Variants in UNC5C observed in about 807,000 individuals in gnomAD.
The protein encoded by UNC5C is netrin receptor UNC5C.
A neutral mutation model predicts 99.8 loss-of-function variants in UNC5C; 47 were observed. That is an observed-to-expected ratio of 0.47 (90% CI 0.37 to 0.60). UNC5C has a LOEUF of 0.60. UNC5C is among the 20% of genes least tolerant of loss of function. The pLI is 0.00. For missense variants in UNC5C, 1,062 were observed against 1,165.9 expected, an observed-to-expected ratio of 0.91 and a Z score of 1.30; for synonymous variants, 487 against 452.2, an observed-to-expected ratio of 1.08 and a Z score of -0.98.
chr4:95,171,166 G>A (rs1736084020), intron 14 of UNC5C, among the ~76,000 whole-genome samples: 1 of 151,866 alleles, frequency 6.6e-6, no homozygotes, highest in Non-Finnish European at 1.5e-5. Context: ...AACTATTAAA[G>A]CAATAAAAGA....
At chr4:95,310,580 GC>G (rs1196187815) in intron 2 of UNC5C, among the ~76,000 whole-genome samples, 1 of 152,042 alleles carries the variant, frequency 6.6e-6, no homozygotes, top group African/African-American at 2.4e-5. Flanking sequence ...AATGTAGAAG[GC>G]TAAATTTATT....
chr4:95,408,787 AT>A (rs1189809131), intron 1 of UNC5C, among the ~76,000 whole-genome samples: 1 of 152,224 alleles, frequency 6.6e-6, no homozygotes, highest in African/African-American at 2.4e-5. Flanking sequence ...ACAGAAAGAC[AT>A]TTCTCTTCAA....
chr4:95,204,705 T>C (rs2149361450), intron 11 of UNC5C, among the ~76,000 whole-genome samples: 1 of 152,330 alleles, frequency 6.6e-6, no homozygotes, highest in East Asian at 1.9e-4. Context: ...AGGAATCATG[T>C]CGACTTTGCT....
At chr4:95,430,803 A>T (rs1746615156) in intron 1 of UNC5C, among the ~76,000 whole-genome samples, 1 of 152,100 alleles carries the variant, frequency 6.6e-6, no homozygotes, top group African/African-American at 2.4e-5. Context: ...TAGACCCAAG[A>T]CTATATGCAG....
At chr4:95,424,506 T>C (rs918648865) in intron 1 of UNC5C, among the ~76,000 whole-genome samples, 1 of 145,224 alleles carries the variant, frequency 6.9e-6, no homozygotes, top group African/African-American at 2.6e-5. Context: ...TTCAGAATTT[T>C]TTTTTTCTTT....
At chr4:95,272,554 A>G (rs1740700225) in intron 4 of UNC5C, among the ~76,000 whole-genome samples, 1 of 152,134 alleles carries the variant, frequency 6.6e-6, no homozygotes. Context: ...ATACTTTTTC[A>G]CCCCAAAAAG....
chr4:95,243,514 A>G (rs2149378920), intron 6 of UNC5C, among the ~76,000 whole-genome samples: 1 of 152,324 alleles, frequency 6.6e-6, no homozygotes, highest in South Asian at 2.1e-4. Context: ...TGAAATATAT[A>G]ATTATGATGA....
At position 95,251,879 on chromosome 4, in the gene UNC5C, G is replaced by T. The variant is rs191312299; in HGVS notation, c.595-1212C>A. ...TAGAAGAGAAGCCAACATTTATAGAGAAAAATAAAAATCAACAACAATCCT... is the reference window on the plus strand; with the variant it reads ...TAGAAGAGAAGCCAACATTTATAGATAAAAATAAAAATCAACAACAATCCT... On this transcript the variant is annotated intron_variant, in intron 4 of 15. Transcript: ENST00000453304. 2.4e-4 allele frequency among the ~76,000 whole-genome samples: 36 copies of T among 152,158 alleles called. 1 individual carries two copies. The highest frequency in any genetic ancestry group is 6.5e-4 in the Admixed American group (10 of 15,286).
intron 14 of UNC5C, among the ~76,000 whole-genome samples, chr4:95,170,786 C>A (rs1736066815): frequency 6.6e-6 from 1 of 152,196 alleles, no homozygotes; most frequent in Admixed American, 6.5e-5. Context: ...AGGAGAAAGT[C>A]CTGGGCAAAT....
chr4:95,301,809 C>A (rs1161310071), intron 2 of UNC5C, 60 bp from the exon 3 acceptor site: 43 of 1,559,604 alleles, frequency 2.8e-5, no homozygotes, highest in Non-Finnish European at 2.6e-6. Flanking sequence ...GAAATATAAA[C>A]CATCACATCA....
Position 95,250,506 on chromosome 4 carries a change from A to G in UNC5C, c.756T>C (p.Thr252=). Residue 252 remains threonine, a synonymous_variant, in exon 5 of 16, where the codon ACT becomes ACC. Transcript: ENST00000453304. ...ACTCACCATAGACTATGACAGTGGCAGTTGTACTTTTCCTCTTGGCAACAA... is the reference window on the plus strand; with the variant it reads ...ACTCACCATAGACTATGACAGTGGCGGTTGTACTTTTCCTCTTGGCAACAA... ...KNIVAKRKST[T]ATVIVYVNGG... 6.2e-7 allele frequency: 1 copy of G among 1,613,990 alleles called. No individual in the cohort carries two copies. Among genetic ancestry groups the G allele is most frequent in the African/African-American group, 1.3e-5 (1 of 75,028 alleles).
intron 7 of UNC5C, among the ~76,000 whole-genome samples, chr4:95,231,166 C>G (rs1246072382): frequency 6.6e-6 from 1 of 152,034 alleles, no homozygotes; most frequent in African/African-American, 2.4e-5. Context: ...AAAACCTTGT[C>G]TTTACATTAG....
chr4:95,258,608 C>T (rs1416429744), intron 4 of UNC5C, among the ~76,000 whole-genome samples: 2 of 152,050 alleles, frequency 1.3e-5, no homozygotes, highest in Admixed American at 6.5e-5. Context: ...AACTAATTTA[C>T]TCAAGTGTTT....
chr4:95,378,974 T>C lies in UNC5C; in HGVS notation c.125-43343A>G, dbSNP rs17023673. Among the ~76,000 whole-genome samples the C allele has an allele frequency of 2.9e-3, 437 of 152,224 alleles. 3 individuals carry two copies. The highest frequency in any genetic ancestry group is 0.01 in the African/African-American group (418 of 41,538). On this transcript the variant is annotated intron_variant, in intron 1 of 15. Coordinates refer to ENST00000453304, the MANE Select transcript of UNC5C (RefSeq NM_003728.4). ...TAAATTGACTGGCTACATGATTATG[T>C]TCTGGGTAGGAAAAATTACATATTA...
At chr4:95,292,234 C>CAT (rs1201836603) in intron 3 of UNC5C, among the ~76,000 whole-genome samples, 16 of 74,048 alleles carry the variant, frequency 2.2e-4, no homozygotes, top group Non-Finnish European at 2.9e-4. Context: ...CACACACACA[C>CAT]ACATATATAT....
intron 3 of UNC5C, among the ~76,000 whole-genome samples, chr4:95,293,664 G>A (rs745613420): frequency 1.3e-5 from 2 of 152,090 alleles, no homozygotes; most frequent in Admixed American, 6.6e-5. Flanking sequence ...TGAATTGCCA[G>A]CTGATCTACA....
intron 1 of UNC5C, among the ~76,000 whole-genome samples, chr4:95,499,716 A>G (rs947787437): frequency 3.3e-5 from 5 of 152,080 alleles, no homozygotes; most frequent in African/African-American, 1.2e-4. Context: ...CACTCCAGTA[A>G]GCTCCCTCCC....
chr4:95,361,657 A>C (rs187799875), intron 1 of UNC5C, among the ~76,000 whole-genome samples: 1 of 152,300 alleles, frequency 6.6e-6, no homozygotes, highest in Non-Finnish European at 1.5e-5. Context: ...AAAGCAAACA[A>C]AACAAACATT....
rs544437709 is a variant in UNC5C, at chr4:95,403,658, A to C, written c.125-68027T>G. 5.8e-4 allele frequency among the ~76,000 whole-genome samples: 88 copies of C among 152,274 alleles called. No homozygotes were observed. In the Middle Eastern group the frequency reaches 0.027, roughly 47 times the overall value. Reference sequence around the variant, plus strand: ...AGATGGATTACCATTTCCCAAGTGCATCTCCTCTGGTCTTTGTCCATCTCT... The same window carrying C: ...AGATGGATTACCATTTCCCAAGTGCCTCTCCTCTGGTCTTTGTCCATCTCT... On this transcript the variant is annotated intron_variant, in intron 1 of 15. Transcript: ENST00000453304.
Sources: gnomAD v4.1 joint callset for allele counts (sites outside exome capture counted in the v4.1 genomes callset) on GRCh38, gnomAD v4.1.1 for gene constraint, MANE v1.5 for transcripts, NCBI Gene and HGNC (gene_info 2026-07-23, HGNC 2026-07-21) for gene names.